CCDC81: variants seen among roughly 807,000 people sequenced by gnomAD.
CCDC81 encodes coiled-coil domain containing 81, also known as coiled-coil domain-containing protein 81.
In CCDC81, 79 loss-of-function variants were observed where a neutral mutation model predicts 83.7. The observed-to-expected ratio is 0.94, with a 90% CI of 0.79 to 1.14. CCDC81 has a LOEUF of 1.14. Among genes scored for constraint, CCDC81 ranks in the 50% most tolerant of loss-of-function variants. The pLI is 0.00. For missense variants in CCDC81, 791 were observed against 778.1 expected, an observed-to-expected ratio of 1.02 and a Z score of -0.20; for synonymous variants, 252 against 278.1, an observed-to-expected ratio of 0.91 and a Z score of 0.93.
chr11:86,382,613 A>C (rs901411995), intron 1 of CCDC81, among the ~76,000 whole-genome samples: 2 of 152,154 alleles, frequency 1.3e-5, no homozygotes, highest in Non-Finnish European at 2.9e-5. Flanking sequence ...GGGGGTGGCA[A>C]GGAGTCTGGG....
chr11:86,397,484 CAG>C, intron 5 of CCDC81, 135 bp from the exon 6 acceptor site: 2 of 992,390 alleles, frequency 2.0e-6, no homozygotes, highest in Non-Finnish European at 2.9e-6. Context: ...CTTAGCACAT[CAG>C]AGCACTCACC....
chr11:86,397,675 A>C lies in CCDC81; in HGVS notation c.690A>C (p.Glu230Asp), dbSNP rs1402942053. 2.5e-6 allele frequency: 4 copies of C among 1,613,776 alleles called. No homozygotes were observed. The African/African-American group carries it at 5.3e-5, about 22-fold the overall frequency. Residue 230 changes from glutamate to aspartate, a missense_variant, in exon 6 of 15, where the codon GAA becomes GAC. Physicochemically the swap from Glu to Asp is conservative, Grantham distance 45. Transcript: ENST00000445632. ...NKLPMETLVE[E>D]CGENRERKCK... ...TGCCTATGGAGACCCTTGTAGAAGA[A>C]TGTGGAGAGAATAGAGAAAGGAAGT...
intron 9 of CCDC81, among the ~76,000 whole-genome samples, chr11:86,408,927 A>T (rs1447062045): frequency 6.6e-6 from 1 of 150,668 alleles, no homozygotes; most frequent in Admixed American, 6.6e-5. Context: ...TCAAGCAAAG[A>T]CAGAATGGCA....
At chr11:86,388,210 C>T (rs10898478) in intron 3 of CCDC81, among the ~76,000 whole-genome samples, 9 of 144,292 alleles carry the variant, frequency 6.2e-5, no homozygotes, top group South Asian at 4.7e-4. Context: ...CCCTCCTTCC[C>T]TCCTTCCTTC....
chr11:86,400,549 A>G, intron 6 of CCDC81, 129 bp from the exon 7 acceptor site: 1 of 937,012 alleles, frequency 1.1e-6, no homozygotes, highest in Admixed American at 2.6e-5. Flanking sequence ...ATACCACAAT[A>G]GAACAAGGGG....
At chr11:86,381,683 T>A (rs1295378646) in intron 1 of CCDC81, among the ~76,000 whole-genome samples, 1 of 152,232 alleles carries the variant, frequency 6.6e-6, no homozygotes, top group East Asian at 1.9e-4. Context: ...TCCTCCCTCA[T>A]CTTATGGACC....
intron 1 of CCDC81, 70 bp downstream of exon 1, chr11:86,375,312 G>C: frequency 1.5e-6 from 2 of 1,372,832 alleles, no homozygotes; most frequent in Non-Finnish European, 2.0e-6. Flanking sequence ...GGAGGCGGGG[G>C]GACCCACTTC....
intron 1 of CCDC81, among the ~76,000 whole-genome samples, chr11:86,379,671 G>T (rs1432093411): frequency 1.3e-5 from 2 of 152,064 alleles, no homozygotes; most frequent in Non-Finnish European, 2.9e-5. Flanking sequence ...CTATCTGTTA[G>T]GTCAGCTAAG....
chr11:86,416,556 T>C (rs1948721770), intron 13 of CCDC81, among the ~76,000 whole-genome samples: 1 of 152,228 alleles, frequency 6.6e-6, no homozygotes, highest in Non-Finnish European at 1.5e-5. Context: ...CTTATTGTCC[T>C]CATATGAGAA....
chr11:86,384,825 G>A (rs1028455935), intron 1 of CCDC81, among the ~76,000 whole-genome samples: 1 of 152,134 alleles, frequency 6.6e-6, no homozygotes, highest in African/African-American at 2.4e-5. Flanking sequence ...ATAAACACAT[G>A]GTTAGGTCTG....
chr11:86,405,085 C>T (rs1410411371), intron 7 of CCDC81, among the ~76,000 whole-genome samples: 1 of 152,076 alleles, frequency 6.6e-6, no homozygotes, highest in Non-Finnish European at 1.5e-5. Context: ...TTGTTAAAAG[C>T]TTTTAAATCC....
chr11:86,385,705 G>A (rs996402906), intron 1 of CCDC81, among the ~76,000 whole-genome samples: 2 of 152,126 alleles, frequency 1.3e-5, no homozygotes, highest in Admixed American at 6.6e-5. Flanking sequence ...CCCGATAAAC[G>A]GTTGCTGGGT....
intron 12 of CCDC81, 53 bp downstream of exon 12, chr11:86,414,920 T>C: frequency 6.8e-7 from 1 of 1,466,102 alleles, no homozygotes; most frequent in Non-Finnish European, 9.4e-7. Context: ...ATCAATAACA[T>C]CCTAAAATAT....
Position 86,412,388 on chromosome 11 carries a change from A to G in CCDC81, c.1220A>G (p.Lys407Arg), listed in dbSNP as rs746465006. ...NHKNEKPEFY[K>R]SFLFDKRPLS... The stretch of plus-strand genomic sequence containing the variant: ...TGAATTGCTTCTCTTTCATTCTAGA[A>G]ATCCTTCCTATTTGACAAACGGCCA... The change falls in exon 11 of 15, where the codon AAA (lysine) becomes AGA (arginine). Residue 407 changes from lysine (K) to arginine (R), a missense_variant and splice_region_variant. Coordinates refer to ENST00000445632, the MANE Select transcript of CCDC81 (RefSeq NM_001156474.2). 6.3e-7 allele frequency: 1 copy of G among 1,582,310 alleles called. No individual in the cohort carries two copies. Among genetic ancestry groups the G allele is most frequent in the Admixed American group, 1.9e-5 (1 of 52,164 alleles).
chr11:86,410,651 T>C (rs937626299), intron 10 of CCDC81, among the ~76,000 whole-genome samples: 1 of 152,234 alleles, frequency 6.6e-6, no homozygotes, highest in African/African-American at 2.4e-5. Context: ...TTATATTTAT[T>C]ACTGCTGTGT....
chr11:86,406,163 A>T (rs1367910986), intron 7 of CCDC81, among the ~76,000 whole-genome samples: 1 of 152,140 alleles, frequency 6.6e-6, no homozygotes, highest in Non-Finnish European at 1.5e-5. Context: ...TATTCTTTGT[A>T]TTGCTTAAAA....
intron 3 of CCDC81, among the ~76,000 whole-genome samples, chr11:86,389,019 G>A (rs1288062105): frequency 6.6e-6 from 1 of 152,100 alleles, no homozygotes; most frequent in African/African-American, 2.4e-5. Context: ...CACATGCAAT[G>A]GTGGCACATG....
intron 10 of CCDC81, among the ~76,000 whole-genome samples, chr11:86,410,253 T>C (rs1237791636): frequency 6.6e-6 from 1 of 152,202 alleles, no homozygotes; most frequent in East Asian, 1.9e-4. Context: ...CGGACATAAA[T>C]CTAATAAATT....
intron 5 of CCDC81, 89 bp downstream of exon 5, chr11:86,395,502 T>C: frequency 1.0e-6 from 1 of 985,666 alleles, no homozygotes; most frequent in Non-Finnish European, 1.6e-6. Context: ...CAATGTTTTG[T>C]AGCTCATGTT....
Sources: gnomAD v4.1 joint callset for allele counts (sites outside exome capture counted in the v4.1 genomes callset) on GRCh38, gnomAD v4.1.1 for gene constraint, MANE v1.5 for transcripts, NCBI Gene and HGNC (gene_info 2026-07-23, HGNC 2026-07-21) for gene names.